The following LIMD1 variants were observed in gnomAD, a reference collection of about 807,000 sequenced individuals.
The protein encoded by LIMD1 is LIM domain-containing protein 1.
In LIMD1, 23 loss-of-function variants were observed where a neutral mutation model predicts 58.4. That is an observed-to-expected ratio of 0.39 (90% CI 0.28 to 0.56). The LOEUF is 0.56. Ranked by LOEUF, LIMD1 falls within the 20% of genes least tolerant of loss-of-function variation. LIMD1 has a pLI of 0.57. For synonymous variants in LIMD1, 334 were observed against 345.5 expected, an observed-to-expected ratio of 0.97 and a Z score of 0.37; for missense variants, 838 against 855.5, an observed-to-expected ratio of 0.98 and a Z score of 0.25.
At chr3:45,642,432 G>A (rs1224343339) in intron 2 of LIMD1, among the ~76,000 whole-genome samples, 3 of 152,064 alleles carry the variant, frequency 2.0e-5, no homozygotes, top group African/African-American at 4.8e-5. Flanking sequence ...CTGCCTTGGC[G>A]TCCCAAAGTG....
chr3:45,645,317 C>T (rs1237549049), intron 2 of LIMD1, among the ~76,000 whole-genome samples: 1 of 152,244 alleles, frequency 6.6e-6, no homozygotes, highest in Non-Finnish European at 1.5e-5. Flanking sequence ...GCCAGGAAGT[C>T]CCTGACAGGG....
intron 1 of LIMD1, among the ~76,000 whole-genome samples, chr3:45,618,831 G>C (rs1283372673): frequency 1.3e-5 from 2 of 152,158 alleles, no homozygotes; most frequent in Admixed American, 1.3e-4. Flanking sequence ...CTGTGGACGT[G>C]GGGAGGAAGG....
chr3:45,666,127 C>T (rs1186771199), intron 3 of LIMD1, among the ~76,000 whole-genome samples: 1 of 152,298 alleles, frequency 6.6e-6, no homozygotes, highest in East Asian at 1.9e-4. Context: ...ACCTCTGAGG[C>T]CAGCTGCTGG....
chr3:45,605,908 G>A (rs1701463863), intron 1 of LIMD1, among the ~76,000 whole-genome samples: 1 of 152,212 alleles, frequency 6.6e-6, no homozygotes, highest in Admixed American at 6.5e-5. Flanking sequence ...AGTGGGCTCA[G>A]GCCCAGCAGT....
chr3:45,650,439 A>G (rs1266992556), intron 2 of LIMD1, among the ~76,000 whole-genome samples: 1 of 151,974 alleles, frequency 6.6e-6, no homozygotes, highest in Non-Finnish European at 1.5e-5. Context: ...TGTACCCATA[A>G]ACTCATCATT....
intron 1 of LIMD1, among the ~76,000 whole-genome samples, chr3:45,603,634 G>C (rs1701439812): frequency 6.6e-6 from 1 of 152,172 alleles, no homozygotes; most frequent in South Asian, 2.1e-4. Context: ...GGGATATGGG[G>C]ATGCCCAATC....
chr3:45,603,383 C>T (rs111860089), intron 1 of LIMD1, among the ~76,000 whole-genome samples: 19 of 152,208 alleles, frequency 1.2e-4, no homozygotes, highest in African/African-American at 4.3e-4. Flanking sequence ...CCCAAACCAA[C>T]TGCTGAAGTG....
intron 1 of LIMD1, among the ~76,000 whole-genome samples, chr3:45,625,782 G>A (rs1701664286): frequency 6.6e-6 from 1 of 152,104 alleles, no homozygotes; most frequent in Non-Finnish European, 1.5e-5. Context: ...GGCAGATACG[G>A]GCCCTTCATC....
chr3:45,596,538 TGCTC>T (rs1434356119), intron 1 of LIMD1, among the ~76,000 whole-genome samples: 5 of 152,196 alleles, frequency 3.3e-5, no homozygotes, highest in Non-Finnish European at 1.5e-5. Context: ...AGGGTGGGAT[TGCTC>T]ATGACTGCTC....
intron 5 of LIMD1, among the ~76,000 whole-genome samples, 188 bp from the exon 6 acceptor site, chr3:45,673,266 T>C (rs1559526865): frequency 6.6e-6 from 1 of 152,190 alleles, no homozygotes; most frequent in African/African-American, 2.4e-5. Flanking sequence ...GTGTCCTCAT[T>C]GCAGCTGGGG....
At chr3:45,601,255 C>T (rs553771696) in intron 1 of LIMD1, among the ~76,000 whole-genome samples, 8 of 152,260 alleles carry the variant, frequency 5.3e-5, no homozygotes, top group Non-Finnish European at 7.4e-5. Context: ...GACCTGACCC[C>T]GCAGGGAGCC....
At chr3:45,601,741 G>T (rs1057500733) in intron 1 of LIMD1, among the ~76,000 whole-genome samples, 1 of 152,130 alleles carries the variant, frequency 6.6e-6, no homozygotes, top group Non-Finnish European at 1.5e-5. Context: ...GACCATATGG[G>T]TACAAGTAGT....
intron 2 of LIMD1, among the ~76,000 whole-genome samples, chr3:45,638,002 C>T (rs1355739126): frequency 7.4e-6 from 1 of 135,362 alleles, no homozygotes; most frequent in Non-Finnish European, 1.6e-5. Flanking sequence ...ATGTTGCACT[C>T]TGTAAGTTGT....
chr3:45,679,848 G>C lies in LIMD1; in HGVS notation c.*2789G>C, dbSNP rs1005695113. ...CACTGATGTTATTCCCCCATCTGCC[G>C]TCTTGGTTCATCTCACCACAGAAGG... is the stretch of plus-strand genomic sequence containing the variant. On this transcript the variant is annotated 3_prime_UTR_variant, in exon 8 of 8. Coordinates refer to ENST00000273317, the MANE Select transcript of LIMD1 (RefSeq NM_014240.3). The C allele has an allele frequency of 6.6e-6, 1 of 152,096 alleles. No homozygotes were observed. Among genetic ancestry groups the C allele is most frequent in the East Asian group, 1.9e-4 (1 of 5,192 alleles). The allele number at this position is 152,096 out of a possible 1,614,324, so 9.4% of individuals were successfully genotyped here.
intron 6 of LIMD1, chr3:45,673,882 T>G: frequency 4.0e-6 from 1 of 250,954 alleles, no homozygotes; most frequent in Non-Finnish European, 7.7e-6. Context: ...CAAGACCTTG[T>G]CTCCAAAAAA....
rs1553642001 is a variant in LIMD1, at chr3:45,594,797, A to ACACACACAC, written c.-82_-74dup. ...GCCCTCAACACACACACACACACAC[A>ACACACACAC]CACACACACACACACACACACACAC... On this transcript the variant is annotated 5_prime_UTR_variant, in exon 1 of 8. Coordinates refer to ENST00000273317, the MANE Select transcript of LIMD1 (RefSeq NM_014240.3). 1.6e-5 allele frequency: 2 copies of ACACACACAC among 128,258 alleles called. No individual in the cohort carries two copies. Among genetic ancestry groups the ACACACACAC allele is most frequent in the African/African-American group, 9.5e-5 (2 of 20,990 alleles). 7.9% of individuals were successfully genotyped at this position (128,258 alleles called of 1,614,324 possible). A position where few individuals can be genotyped will look rare whatever the true frequency, so the allele number is the denominator to read the frequency against.
At chr3:45,674,447 G>A (rs565102543) in intron 7 of LIMD1, 36 bp downstream of exon 7, 2 of 1,357,976 alleles carry the variant, frequency 1.5e-6, no homozygotes, top group Non-Finnish European at 2.0e-6. Flanking sequence ...AAAGCCCATT[G>A]TAGACATCCA....
chr3:45,614,387 C>T (rs542550960), intron 1 of LIMD1, among the ~76,000 whole-genome samples: 109 of 134,990 alleles, frequency 8.1e-4, no homozygotes, highest in Non-Finnish European at 3.6e-4. Flanking sequence ...ATTAGCCGGG[C>T]GTGGTGGCGG....
At chr3:45,672,252 G>T (rs910341584) in intron 4 of LIMD1, among the ~76,000 whole-genome samples, 1 of 152,132 alleles carries the variant, frequency 6.6e-6, no homozygotes, top group Non-Finnish European at 1.5e-5. Flanking sequence ...TCATTTTTCC[G>T]AGTACTTGCT....
Sources: allele counts gnomAD v4.1 joint callset (sites outside exome capture counted in the v4.1 genomes callset), GRCh38; gene constraint gnomAD v4.1.1; transcripts MANE v1.5; gene names NCBI Gene and HGNC (gene_info 2026-07-23, HGNC 2026-07-21).